The following LYPD6 variants were observed in gnomAD, a reference collection of about 807,000 sequenced individuals.
LYPD6 encodes the protein ly6/PLAUR domain-containing protein 6.
LYPD6 carries 15 observed loss-of-function variants against 22.7 expected under a neutral mutation model. The observed-to-expected ratio is 0.66, with a 90% CI of 0.44 to 1.02. LYPD6 has a LOEUF of 1.02. Ranked by LOEUF, LYPD6 falls within the 50% of genes least tolerant of loss-of-function variation. The probability of loss-of-function intolerance (pLI) is 0.00; values close to 1 mark genes in which losing one functional copy is unlikely to be tolerated. For missense variants in LYPD6, 189 were observed against 208.4 expected (o/e 0.91, Z 0.57); for synonymous variants, 72 against 77.5 (o/e 0.93, Z 0.37).
chr2:149,421,013 G>A (rs757310395), intron 1 of LYPD6, among the ~76,000 whole-genome samples: 2 of 152,134 alleles, frequency 1.3e-5, no homozygotes, highest in Admixed American at 6.5e-5. Context: ...ATGGGTGAGA[G>A]CCATCATGAG....
At chr2:149,366,954 C>T (rs1247161029) in intron 1 of LYPD6, among the ~76,000 whole-genome samples, 1 of 152,068 alleles carries the variant, frequency 6.6e-6, no homozygotes, top group Non-Finnish European at 1.5e-5. Flanking sequence ...ATTTACAAGC[C>T]TGTTTTTAGA....
At chr2:149,404,425 G>T (rs1184017422) in intron 1 of LYPD6, among the ~76,000 whole-genome samples, 1 of 152,142 alleles carries the variant, frequency 6.6e-6, no homozygotes, top group Non-Finnish European at 1.5e-5. Context: ...GTGGTTTGTA[G>T]TTTTACTTGA....
intron 1 of LYPD6, among the ~76,000 whole-genome samples, chr2:149,359,772 C>T (rs1681535308): frequency 6.6e-6 from 1 of 152,190 alleles, no homozygotes; most frequent in Non-Finnish European, 1.5e-5. Context: ...ACTTCTTCCT[C>T]TTTCTCTACT....
At chr2:149,451,907 T>G (rs142655286) in intron 3 of LYPD6, among the ~76,000 whole-genome samples, 1 of 152,088 alleles carries the variant, frequency 6.6e-6, no homozygotes, top group Non-Finnish European at 1.5e-5. Context: ...TCTGAACATA[T>G]CAGATGTCAA....
chr2:149,441,096 A>G (rs1683558058), intron 2 of LYPD6, among the ~76,000 whole-genome samples: 1 of 152,168 alleles, frequency 6.6e-6, no homozygotes, highest in African/African-American at 2.4e-5. Flanking sequence ...TTGATTTTTT[A>G]AATGGCGTGG....
intron 1 of LYPD6, among the ~76,000 whole-genome samples, chr2:149,386,830 C>T (rs1682197040): frequency 6.6e-6 from 1 of 152,196 alleles, no homozygotes; most frequent in Admixed American, 6.5e-5. Context: ...CTTACCTTCA[C>T]TACCTCTTGA....
chr2:149,451,573 G>C (rs2105164806), intron 3 of LYPD6, among the ~76,000 whole-genome samples: 1 of 152,248 alleles, frequency 6.6e-6, no homozygotes, highest in East Asian at 1.9e-4. Context: ...GAAAAAGCAA[G>C]GGACCAGAAA....
At chr2:149,392,028 A>G (rs1283476139) in intron 1 of LYPD6, among the ~76,000 whole-genome samples, 3 of 152,242 alleles carry the variant, frequency 2.0e-5, no homozygotes, top group Non-Finnish European at 4.4e-5. Context: ...GCCAAGATCA[A>G]GGTGCCAGCC....
chr2:149,354,125 G>A (rs1046207893), intron 1 of LYPD6, among the ~76,000 whole-genome samples: 3 of 152,142 alleles, frequency 2.0e-5, no homozygotes, highest in African/African-American at 7.2e-5. Flanking sequence ...GGTGGATAAG[G>A]CATGAGAGGT....
At chr2:149,432,794 T>C (rs1558805836) in intron 1 of LYPD6, among the ~76,000 whole-genome samples, 1 of 152,154 alleles carries the variant, frequency 6.6e-6, no homozygotes, top group Admixed American at 6.6e-5. Flanking sequence ...TGGTAAGAGA[T>C]GAGAAGAGAG....
At chr2:149,402,892 C>G in intron 1 of LYPD6, among the ~76,000 whole-genome samples, 1 of 138,224 alleles carries the variant, frequency 7.2e-6, no homozygotes, top group Non-Finnish European at 1.6e-5. Context: ...CCCCCAACCG[C>G]ACAACAGTCC....
intron 1 of LYPD6, among the ~76,000 whole-genome samples, chr2:149,336,956 T>TGTGTGC (rs1681047261): frequency 6.6e-6 from 1 of 151,988 alleles, no homozygotes; most frequent in Non-Finnish European, 1.5e-5. Flanking sequence ...TGTGTGTGTG[T>TGTGTGC]GTGTTTGGTG....
chr2:149,441,698 T>C (rs150552344), intron 2 of LYPD6, among the ~76,000 whole-genome samples: 1 of 152,334 alleles, frequency 6.6e-6, no homozygotes, highest in African/African-American at 2.4e-5. Flanking sequence ...ATGATTCAAA[T>C]ACCAAATCAA....
chr2:149,333,027 C>T (rs1680968493), intron 1 of LYPD6, among the ~76,000 whole-genome samples: 1 of 152,184 alleles, frequency 6.6e-6, no homozygotes, highest in Non-Finnish European at 1.5e-5. Flanking sequence ...TATAAACACA[C>T]TCCTTATAAG....
At chr2:149,433,411 G>A (rs1313673537) in intron 1 of LYPD6, among the ~76,000 whole-genome samples, 1 of 152,160 alleles carries the variant, frequency 6.6e-6, no homozygotes, top group Admixed American at 6.5e-5. Flanking sequence ...ATGTGCTCCT[G>A]ACCTCCATCA....
chr2:149,425,886 C>T (rs1683178729), intron 1 of LYPD6, among the ~76,000 whole-genome samples: 1 of 152,076 alleles, frequency 6.6e-6, no homozygotes, highest in Non-Finnish European at 1.5e-5. Flanking sequence ...AATCTTATAC[C>T]CTTTCACAAA....
chr2:149,479,753 T>C, the LYPD6 span, among the ~76,000 whole-genome samples: 10 of 152,344 alleles, frequency 6.6e-5, no homozygotes, highest in South Asian at 1.7e-3. Flanking sequence ...AGCATCCTTA[T>C]TGATCTCACC....
At chr2:149,447,903 A>C (rs968730098) in intron 2 of LYPD6, among the ~76,000 whole-genome samples, 1 of 152,216 alleles carries the variant, frequency 6.6e-6, no homozygotes, top group Non-Finnish European at 1.5e-5. Context: ...TGGGAGGCCG[A>C]GGCTGGAAAA....
At chr2:149,339,785 G>A (rs926694559) in intron 1 of LYPD6, among the ~76,000 whole-genome samples, 2 of 152,104 alleles carry the variant, frequency 1.3e-5, no homozygotes, top group Admixed American at 6.6e-5. Flanking sequence ...TGGACAAGAG[G>A]ATGCAAAGTA....
Sources: allele counts gnomAD v4.1 joint callset (sites outside exome capture counted in the v4.1 genomes callset), GRCh38; gene constraint gnomAD v4.1.1; transcripts MANE v1.5; gene names NCBI Gene and HGNC (gene_info 2026-07-23, HGNC 2026-07-21).